The following ARL13A variants were observed in gnomAD, a reference collection of about 807,000 sequenced individuals.
The protein encoded by ARL13A is ARF like GTPase 13A.
Under a neutral mutation model 19.1 loss-of-function variants are expected in ARL13A, and 16 were observed. That is an observed-to-expected ratio of 0.84 (90% CI 0.57 to 1.27). The LOEUF (loss-of-function observed/expected upper bound fraction) is 1.27, where lower values mean the gene tolerates loss of function less well. Among genes scored for constraint, ARL13A ranks in the 50% most tolerant of loss-of-function variants. The pLI, the probability that ARL13A is intolerant of heterozygous loss-of-function variation, is 0.00. For synonymous variants in ARL13A, 69 were observed against 71.3 expected (o/e 0.97, Z 0.17); for missense variants, 153 against 186.4 (o/e 0.82, Z 1.04).
chrX:100,975,064 T>C (rs1447449643), intron 3 of ARL13A, among the ~76,000 whole-genome samples: 1 of 111,813 alleles, frequency 8.9e-6, no homozygotes, highest in East Asian at 2.8e-4. Flanking sequence ...AAGGACTTAA[T>C]ATAAAAGTCT....
intron 1 of ARL13A, among the ~76,000 whole-genome samples, chrX:100,970,662 T>C (rs2085640816): frequency 9.1e-6 from 1 of 109,607 alleles, no homozygotes; most frequent in African/African-American, 3.4e-5. Flanking sequence ...AAGTTAGCCC[T>C]GCATATACGT....
Position 100,973,718 on chromosome X carries a change from C to A in ARL13A, c.29C>A (p.Ser10Tyr). Reference protein sequence around the residue: MFRLLSSCCSCLRTTEETRR... With the variant: MFRLLSSCCYCLRTTEETRR... The stretch of plus-strand genomic sequence containing the variant: ...TTCCGGCTTTTGTCCTCCTGCTGCT[C>A]TTGCCTAAGGACAACAGAAGAGACA... Residue 10 changes from serine to tyrosine, a missense_variant, in exon 2 of 8, where the codon TCT becomes TAT. Physicochemically the swap from Ser to Tyr is moderately radical, Grantham distance 144 (BLOSUM62 -2). Transcript: ENST00000450049. 1 of 1,211,468 alleles carries A rather than the reference C, an allele frequency of 8.3e-7. No individual in the cohort carries two copies. The highest frequency in any genetic ancestry group is 1.1e-6 in the Non-Finnish European group (1 of 895,168).
intron 4 of ARL13A, among the ~76,000 whole-genome samples, 172 bp downstream of exon 4, chrX:100,986,088 C>A (rs2085932173): frequency 1.8e-5 from 2 of 111,323 alleles, no homozygotes; most frequent in African/African-American, 6.5e-5. Context: ...GAGCTACTTT[C>A]TACCACACAC....
rs368614065 is a variant in ARL13A at position 100,973,697 on chromosome X, G to A, written c.8G>A (p.Arg3Gln). The change falls in exon 2 of 8, where the codon CGG becomes CAG. Residue 3 changes from arginine to glutamine, a missense_variant. By Grantham distance (43) the Arg-to-Gln change is conservative. Coordinates refer to ENST00000450049, the MANE Select transcript of ARL13A (RefSeq NM_001162491.2). ...TAAGAACTAAGATGAATCATGTTCC[G>A]GCTTTTGTCCTCCTGCTGCTCTTGC... MF[R>Q]LLSSCCSCLR... 14 of 1,208,944 alleles carry A rather than the reference G, an allele frequency of 1.2e-5. No individual in the cohort carries two copies. The highest frequency in any genetic ancestry group is 5.2e-5 in the African/African-American group (3 of 57,182).
chrX:100,985,935 G>C lies in ARL13A; in HGVS notation c.380+19G>C, dbSNP rs1387751512. On this transcript the variant is annotated intron_variant, in intron 4 of 7. Coordinates refer to ENST00000450049, the MANE Select transcript of ARL13A (RefSeq NM_001162491.2). Reference sequence around the variant, plus strand: ...TCTTAATGTAAGATTCTGCCTTTCTGTCCTATTTCTGCTTCCCAATTTGTA... The same window carrying C: ...TCTTAATGTAAGATTCTGCCTTTCTCTCCTATTTCTGCTTCCCAATTTGTA... 8.4e-7 allele frequency: 1 copy of C among 1,190,584 alleles called. No individual in the cohort carries two copies. Among genetic ancestry groups the C allele is most frequent in the Non-Finnish European group, 1.1e-6 (1 of 885,549 alleles).
rs2085721743 is a variant in ARL13A at position 100,974,012 on chromosome X, G to C, written c.60-115G>C. 4.8e-6 allele frequency: 3 copies of C among 626,447 alleles called. No homozygotes were observed. The Admixed American group carries it at 8.7e-5, about 18-fold the overall frequency. 51.6% of individuals were successfully genotyped at this position (626,447 alleles called of 1,213,427 possible). On this transcript the variant is annotated intron_variant, in intron 2 of 7. Transcript: ENST00000450049. Reference sequence around the variant, plus strand: ...TTTGGCTGGGCCTTTTATGGTACATGCATTGAGATTACTGCAGGCAGAGTC... The same window carrying C: ...TTTGGCTGGGCCTTTTATGGTACATCCATTGAGATTACTGCAGGCAGAGTC...
intron 6 of ARL13A, 90 bp from the exon 7 acceptor site, chrX:100,988,103 T>C: frequency 1.4e-6 from 1 of 699,784 alleles, no homozygotes; most frequent in South Asian, 2.7e-5. Flanking sequence ...CCCAAAGGCA[T>C]ATGGCAGGGA....
chrX:100,984,111 G>T (rs1204512346), intron 3 of ARL13A, among the ~76,000 whole-genome samples: 5 of 104,621 alleles, frequency 4.8e-5, no homozygotes, highest in African/African-American at 6.9e-5. Flanking sequence ...TTTTTTTTTT[G>T]TTTTTTGTTT....
intron 3 of ARL13A, among the ~76,000 whole-genome samples, chrX:100,979,875 G>T: frequency 8.9e-6 from 1 of 111,977 alleles, no homozygotes; most frequent in Admixed American, 9.4e-5. Context: ...GTGGTCTTGG[G>T]TAAGATCTGA....
chrX:100,973,425 C>T (rs1268862487), intron 1 of ARL13A, among the ~76,000 whole-genome samples: 15 of 105,491 alleles, frequency 1.4e-4, no homozygotes, highest in Admixed American at 1.4e-3. Context: ...GCCTCCCGGG[C>T]GGCGCTCGCC....
Position 100,987,367 on chromosome X carries a change from CCTTCT to C in ARL13A, c.487-14_487-10del, listed in dbSNP as rs773107248. On this transcript the variant is annotated intron_variant, in intron 5 of 7. Transcript: ENST00000450049. Reference sequence around the variant, plus strand: ...GGGGTCCCAGGCTCCAGGTCTGCAGCCTTCTCTTCTCTTTTGTCACAGGAGCCATG... The same window carrying C: ...GGGGTCCCAGGCTCCAGGTCTGCAGCCTTCTCTTTTGTCACAGGAGCCATG... The C allele has an allele frequency of 6.6e-6, 8 of 1,203,976 alleles. No homozygotes were observed. The highest frequency in any genetic ancestry group is 5.3e-5 in the South Asian group (3 of 56,157).
rs2085941836 is a variant in ARL13A at position 100,986,819 on chromosome X, A to C, written c.404A>C (p.Lys135Thr). The change falls in exon 5 of 8, where the codon AAG (lysine) becomes ACG (threonine). Residue 135 changes from lysine to threonine, a missense_variant. Coordinates refer to ENST00000450049, the MANE Select transcript of ARL13A (RefSeq NM_001162491.2). ...ILILANKQDK[K>T]KALMPCDIID... ...AGTTTAGCAAACAAACAAGACAAGAAGAAAGCCCTCATGCCTTGTGATATT... is the reference window on the plus strand; with the variant it reads ...AGTTTAGCAAACAAACAAGACAAGACGAAAGCCCTCATGCCTTGTGATATT... 8.3e-7 allele frequency: 1 copy of C among 1,199,707 alleles called. No homozygotes were observed.
At chrX:100,988,409 A>G (rs749806156) in intron 7 of ARL13A, 126 bp downstream of exon 7, 38 of 1,202,122 alleles carry the variant, frequency 3.2e-5, no homozygotes, top group Admixed American at 1.1e-4. Context: ...TCTAAAAAGA[A>G]TATGTCAGTA....
intron 1 of ARL13A, among the ~76,000 whole-genome samples, chrX:100,970,889 C>T (rs1273020956): frequency 1.8e-5 from 2 of 111,983 alleles, no homozygotes; most frequent in Non-Finnish European, 3.8e-5. Flanking sequence ...GATGTTGTAG[C>T]CACTTTGCAA....
At position 100,982,177 on chromosome X, in the gene ARL13A, A is replaced by T. The variant is rs147765018; in HGVS notation, c.131-3490A>T. Among the ~76,000 whole-genome samples the T allele has an allele frequency of 3.3e-4, 37 of 110,978 alleles. No individual in the cohort carries two copies. The East Asian group carries it at 9.4e-3, about 28-fold the overall frequency. ...CTTCAGCCCCACCCCAGATCTATGGACTCAAACCTTGAGAGAACGAGGCCT... is the reference window on the plus strand; with the variant it reads ...CTTCAGCCCCACCCCAGATCTATGGTCTCAAACCTTGAGAGAACGAGGCCT... On this transcript the variant is annotated intron_variant, in intron 3 of 7. Coordinates refer to ENST00000450049, the MANE Select transcript of ARL13A (RefSeq NM_001162491.2).
intron 3 of ARL13A, among the ~76,000 whole-genome samples, chrX:100,982,229 G>T (rs887739695): frequency 1.8e-5 from 2 of 111,130 alleles, no homozygotes; most frequent in Non-Finnish European, 3.8e-5. Flanking sequence ...GGTAGCTCAC[G>T]CCTGTAATCC....
chrX:100,982,478 T>C lies in ARL13A; in HGVS notation c.131-3189T>C, dbSNP rs865978976. ...CTGCACTCCAGGCTTAAAAAATAAATAAATAAATAAATAAATAAATAAATA... is the reference window on the plus strand; with the variant it reads ...CTGCACTCCAGGCTTAAAAAATAAACAAATAAATAAATAAATAAATAAATA... On this transcript the variant is annotated intron_variant, in intron 3 of 7. Coordinates refer to ENST00000450049, the MANE Select transcript of ARL13A (RefSeq NM_001162491.2). Among the ~76,000 whole-genome samples the C allele has an allele frequency of 3.2e-5, 3 of 94,896 alleles. 1 individual carries two copies. The Admixed American group carries it at 3.3e-4, about 10-fold the overall frequency. 82.4% of individuals were successfully genotyped at this position (94,896 alleles called of 115,157 possible).
Position 100,985,811 on chromosome X carries a change from T to A in ARL13A, c.275T>A (p.Leu92His). Residue 92 changes from leucine (L) to histidine (H), a missense_variant, in exon 4 of 8, where the codon CTT becomes CAT. Coordinates refer to ENST00000450049, the MANE Select transcript of ARL13A (RefSeq NM_001162491.2). Reference sequence around the variant, plus strand: ...AACTACTATGCACAGGCCCATGGGCTTGTTTTCGTCCTGGATTCCAGTGAC... The same window carrying A: ...AACTACTATGCACAGGCCCATGGGCATGTTTTCGTCCTGGATTCCAGTGAC... The part of the protein sequence containing the change: ...WPNYYAQAHG[L>H]VFVLDSSDIR... 8.3e-7 allele frequency: 1 copy of A among 1,211,671 alleles called. No homozygotes were observed. Among genetic ancestry groups the A allele is most frequent in the South Asian group, 1.8e-5 (1 of 56,959 alleles).
rs923551476 is a variant in ARL13A at position 100,978,902 on chromosome X, T to C, written c.130+4705T>C. Among the ~76,000 whole-genome samples the C allele has an allele frequency of 1.3e-4, 14 of 111,003 alleles. 1 individual carries two copies. The highest frequency in any genetic ancestry group is 3.6e-4 in the African/African-American group (11 of 30,615). On this transcript the variant is annotated intron_variant, in intron 3 of 7. Transcript: ENST00000450049. ...CATGGGGCTTGCAAATAACATCTTA[T>C]AACCCATTTTTTTTTAATATTCACC...
Sources: gnomAD v4.1 joint callset for allele counts (sites outside exome capture counted in the v4.1 genomes callset) on GRCh38, gnomAD v4.1.1 for gene constraint, MANE v1.5 for transcripts, NCBI Gene and HGNC (gene_info 2026-07-23, HGNC 2026-07-21) for gene names.